C2orf49: variants seen among roughly 807,000 people sequenced by gnomAD.
C2orf49 encodes tRNA-splicing ligase complex subunit ASW.
C2orf49 carries 11 observed loss-of-function variants against 20.6 expected under a neutral mutation model. The ratio of observed to expected loss-of-function variants is 0.53; its 90% confidence interval spans 0.34 to 0.88. The LOEUF (loss-of-function observed/expected upper bound fraction) is 0.88. Among genes scored for constraint, C2orf49 ranks in the 40% least tolerant of loss-of-function variants. C2orf49 has a pLI of 0.02. For synonymous variants in C2orf49, 134 were observed against 108.5 expected, an observed-to-expected ratio of 1.24 and a Z score of -1.46; for missense variants, 289 against 274.2, an observed-to-expected ratio of 1.05 and a Z score of -0.38.
the C2orf49 span, chr2:105,361,409 G>A: frequency 1.2e-6 from 2 of 1,614,078 alleles, no homozygotes; most frequent in Non-Finnish European, 1.7e-6. Flanking sequence ...GTTCCTCAAA[G>A]GAGATGTATT....
At chr2:105,363,203 A>G in the C2orf49 span, 1 of 1,391,546 alleles carries the variant, frequency 7.2e-7, no homozygotes, top group Admixed American at 1.9e-5. Flanking sequence ...GTTGAGGGAT[A>G]TAGACAGGGT....
chr2:105,373,679 A>T, the C2orf49 span: 2 of 1,614,214 alleles, frequency 1.2e-6, no homozygotes, highest in Non-Finnish European at 1.7e-6. Flanking sequence ...GAGTTTCTGC[A>T]CTGCGAGCAG....
the C2orf49 span, among the ~76,000 whole-genome samples, chr2:105,356,863 G>T: frequency 6.6e-6 from 1 of 152,224 alleles, no homozygotes; most frequent in South Asian, 2.1e-4. Flanking sequence ...ATCTTACTTT[G>T]AGTTTATTGA....
chr2:105,342,966 C>G lies in C2orf49; in HGVS notation c.385C>G (p.Pro129Ala), dbSNP rs758198137. 6.2e-7 allele frequency: 1 copy of G among 1,614,224 alleles called. No individual in the cohort carries two copies. Among genetic ancestry groups the G allele is most frequent in the East Asian group, 2.2e-5 (1 of 44,890 alleles). Residue 129 changes from proline to alanine, a missense_variant, in exon 3 of 4, where the codon CCC becomes GCC. Coordinates refer to ENST00000258457, the MANE Select transcript of C2orf49 (RefSeq NM_024093.3). Reference protein sequence around the residue: ...ENGDNDRLKPPPQASFTSNAF... With the variant: ...ENGDNDRLKPAPQASFTSNAF... ...TGGAGATAATGATCGACTGAAGCCT[C>G]CCCCGCAGGCAAGCTTTACCAGTAA...
chr2:105,385,668 G>C, the C2orf49 span, among the ~76,000 whole-genome samples: 2 of 152,178 alleles, frequency 1.3e-5, no homozygotes, highest in Non-Finnish European at 2.9e-5. Flanking sequence ...CAGAGCTATG[G>C]ATGGGTCCCC....
At chr2:105,337,841 TC>T (rs1176898906) in intron 1 of C2orf49, among the ~76,000 whole-genome samples, 155 bp downstream of exon 1, 1 of 152,126 alleles carries the variant, frequency 6.6e-6, no homozygotes, top group Non-Finnish European at 1.5e-5. Context: ...GTCTCCTCGC[TC>T]CTGCTCCTCG....
chr2:105,355,355 G>A, the C2orf49 span, among the ~76,000 whole-genome samples: 1 of 152,318 alleles, frequency 6.6e-6, no homozygotes, highest in Admixed American at 6.5e-5. Flanking sequence ...TTCTAGTCTG[G>A]TGGTAGCCCA....
At chr2:105,359,734 G>T in the C2orf49 span, 1 of 152,228 alleles carries the variant, frequency 6.6e-6, no homozygotes, top group Non-Finnish European at 1.5e-5. Flanking sequence ...CTGCTTTACT[G>T]CCCTTTTCAG....
At chr2:105,373,085 C>G in the C2orf49 span, among the ~76,000 whole-genome samples, 1 of 152,206 alleles carries the variant, frequency 6.6e-6, no homozygotes, top group African/African-American at 2.4e-5. Flanking sequence ...GTCTAGAACA[C>G]CAACTCTACA....
chr2:105,374,498 GTGCTCAGAC>G, the C2orf49 span: 11 of 152,670 alleles, frequency 7.2e-5, no homozygotes, highest in African/African-American at 2.2e-4. Flanking sequence ...GGAGAGTGAA[GTGCTCAGAC>G]TGGGGGACGG....
At chr2:105,380,233 G>C in the C2orf49 span, among the ~76,000 whole-genome samples, 3 of 152,216 alleles carry the variant, frequency 2.0e-5, no homozygotes, top group African/African-American at 7.2e-5. Flanking sequence ...CTTAGAGGTA[G>C]ACTAGAAAAT....
the C2orf49 span, among the ~76,000 whole-genome samples, chr2:105,357,147 C>T: frequency 2.0e-5 from 3 of 152,096 alleles, no homozygotes; most frequent in Non-Finnish European, 4.4e-5. Flanking sequence ...TTCTCCTGTT[C>T]TTTTTTTCTC....
the C2orf49 span, chr2:105,376,886 A>G: frequency 1.4e-4 from 21 of 152,366 alleles, no homozygotes; most frequent in African/African-American, 4.1e-4. Flanking sequence ...TCTTGAGGAC[A>G]TGACGTTAAG....
the C2orf49 span, among the ~76,000 whole-genome samples, chr2:105,370,081 T>C: frequency 6.6e-6 from 1 of 152,196 alleles, no homozygotes; most frequent in Non-Finnish European, 1.5e-5. Flanking sequence ...CTGATTCAAA[T>C]AGTCAAATGA....
chr2:105,347,753 G>A lies in C2orf49; in HGVS notation c.*2382G>A, dbSNP rs1415624759. 2.0e-5 allele frequency: 3 copies of A among 152,214 alleles called. No individual in the cohort carries two copies. The highest frequency in any genetic ancestry group is 3.9e-4 in the East Asian group (2 of 5,194). The allele number at this position is 152,214 out of a possible 1,614,324, so 9.4% of individuals were successfully genotyped here. A position where few individuals can be genotyped will look rare whatever the true frequency, so the allele number is the denominator to read the frequency against. On this transcript the variant is annotated 3_prime_UTR_variant, in exon 4 of 4. Transcript: ENST00000258457. ...GGAATCTGGAGCAGCAGCCCTGGGA[G>A]CCCTGAGTTTTGAAGTGTTTTGGTT...
At chr2:105,351,144 A>T (rs1679921800), downstream of C2orf49, among the ~76,000 whole-genome samples, 1 of 151,788 alleles carries the variant, frequency 6.6e-6, no homozygotes, top group Non-Finnish European at 1.5e-5. Context: ...TGCGGGGAGG[A>T]CTACAGAGGT....
At chr2:105,350,305 A>C (rs573780485), downstream of C2orf49, among the ~76,000 whole-genome samples, 1 of 152,370 alleles carries the variant, frequency 6.6e-6, no homozygotes, top group African/African-American at 2.4e-5. Flanking sequence ...TTCTTAGAAC[A>C]GAAAGACTGG....
In C2orf49 at chr2:105,346,237, C is replaced by T. The variant is rs1417777615; in HGVS notation, c.*866C>T. 1 of 152,136 alleles carries T rather than the reference C, an allele frequency of 6.6e-6. No homozygotes were observed. Among genetic ancestry groups the T allele is most frequent in the Non-Finnish European group, 1.5e-5 (1 of 68,020 alleles). The allele number at this position is 152,136 out of a possible 1,614,324, so 9.4% of individuals were successfully genotyped here. On this transcript the variant is annotated 3_prime_UTR_variant, in exon 4 of 4. Transcript: ENST00000258457. The stretch of plus-strand genomic sequence containing the variant: ...TATTCAGAATATACAGATAAAAATG[C>T]TGTTCTTTAATTGCTTACATTGCTT...
chr2:105,374,765 C>G, the C2orf49 span, among the ~76,000 whole-genome samples: 3 of 152,174 alleles, frequency 2.0e-5, no homozygotes, highest in African/African-American at 4.8e-5. Context: ...ATTAAAATAA[C>G]AATCTCTTTA....
Sources: gnomAD v4.1 joint callset for allele counts (sites outside exome capture counted in the v4.1 genomes callset) on GRCh38, gnomAD v4.1.1 for gene constraint, MANE v1.5 for transcripts, NCBI Gene and HGNC (gene_info 2026-07-23, HGNC 2026-07-21) for gene names.